The following ZNF563 variants were observed in gnomAD, a reference collection of about 807,000 sequenced individuals.
ZNF563 encodes zinc finger protein 563.
In ZNF563, 39 loss-of-function variants were observed where a neutral mutation model predicts 48.5. The ratio of observed to expected loss-of-function variants is 0.80; its 90% CI spans 0.62 to 1.05. The LOEUF is 1.05. Among genes scored for constraint, ZNF563 ranks in the 50% least tolerant of loss-of-function variants. The probability of loss-of-function intolerance (pLI) is 0.00; values close to 1 mark genes in which losing one functional copy is unlikely to be tolerated. For missense variants in ZNF563, 538 were observed against 597.0 expected, an observed-to-expected ratio of 0.90 and a Z score of 1.03; for synonymous variants, 168 against 187.9, an observed-to-expected ratio of 0.89 and a Z score of 0.87.
At chr19:12,322,771 C>T in intron 1 of ZNF563, 60 bp from the exon 2 acceptor site, 6 of 1,488,230 alleles carry the variant, frequency 4.0e-6, no homozygotes, top group Non-Finnish European at 5.4e-6. Context: ...AAAAACTATA[C>T]TCAGTTCATA....
intron 1 of ZNF563, among the ~76,000 whole-genome samples, chr19:12,322,982 A>G (rs752722430): frequency 3.8e-4 from 58 of 152,126 alleles, no homozygotes; most frequent in Non-Finnish European, 7.9e-4. Flanking sequence ...CCTAATGTCT[A>G]TTTCTGTAGT....
chr19:12,324,342 C>G (rs1336193707), intron 1 of ZNF563, among the ~76,000 whole-genome samples: 6 of 150,948 alleles, frequency 4.0e-5, no homozygotes, highest in African/African-American at 1.5e-4. Flanking sequence ...ATGGGTGATA[C>G]AGTGAGACTC....
upstream of ZNF563, among the ~76,000 whole-genome samples, chr19:12,336,054 A>G (rs1969017612): frequency 6.6e-6 from 1 of 152,216 alleles, no homozygotes; most frequent in African/African-American, 2.4e-5. Context: ...AATTGAAACA[A>G]AGACCCTCAA....
Position 12,332,355 on chromosome 19 carries a change from T to C in ZNF563, c.3+1125A>G, listed in dbSNP as rs913668532. 3.9e-3 allele frequency among the ~76,000 whole-genome samples: 570 copies of C among 145,740 alleles called. 3 individuals are homozygous for C. Among genetic ancestry groups the C allele is most frequent in the African/African-American group, 0.015 (545 of 37,446 alleles). On this transcript the variant is annotated intron_variant, in intron 1 of 3. Transcript: ENST00000293725. ...TGTTTTTTTTCTTTTTTCTTTTTTT[T>C]TTTTTTTTTGAGACGGAGTCTCTCT...
In ZNF563 at chr19:12,321,263, G is replaced by A. The variant is rs1426996633; in HGVS notation, c.191+9C>T. ...AGAAACATAACTTTCTCCTGTGAGT[G>A]CAAATTACCTTAGATTTCTCCTAGG... On this transcript the variant is annotated intron_variant, in intron 3 of 3. Coordinates refer to ENST00000293725, the MANE Select transcript of ZNF563 (RefSeq NM_145276.3). 1 of 1,559,912 alleles carries A rather than the reference G, an allele frequency of 6.4e-7. No homozygotes were observed. Among genetic ancestry groups the A allele is most frequent in the Non-Finnish European group, 8.7e-7 (1 of 1,150,982 alleles).
At chr19:12,320,465 A>T (rs1968585417) in intron 3 of ZNF563, among the ~76,000 whole-genome samples, 1 of 151,910 alleles carries the variant, frequency 6.6e-6, no homozygotes, top group South Asian at 2.1e-4. Context: ...CTTCAGCCTC[A>T]TGAGTAGCTG....
At chr19:12,339,129 T>G in the ZNF563 span, among the ~76,000 whole-genome samples, 1 of 152,116 alleles carries the variant, frequency 6.6e-6, no homozygotes, top group Non-Finnish European at 1.5e-5. Context: ...ATGTTTACAG[T>G]GTGCTTTCCA....
At chr19:12,344,638 C>A in the ZNF563 span, among the ~76,000 whole-genome samples, 2 of 152,064 alleles carry the variant, frequency 1.3e-5, no homozygotes, top group Non-Finnish European at 2.9e-5. Flanking sequence ...AGACTGAAAG[C>A]CTTCCCTCTA....
intron 2 of ZNF563, among the ~76,000 whole-genome samples, chr19:12,321,964 T>C (rs1051237987): frequency 6.6e-6 from 1 of 152,228 alleles, no homozygotes; most frequent in Non-Finnish European, 1.5e-5. Context: ...ATTTTCTTTC[T>C]CTAGTTCACT....
At chr19:12,337,858 C>T (rs531145079), upstream of ZNF563, among the ~76,000 whole-genome samples, 2 of 152,130 alleles carry the variant, frequency 1.3e-5, no homozygotes, top group African/African-American at 2.4e-5. Flanking sequence ...CTGTTAACTC[C>T]GCCCTTTGAG....
the ZNF563 span, chr19:12,346,310 A>C: frequency 6.6e-6 from 1 of 152,232 alleles, no homozygotes; most frequent in Non-Finnish European, 1.5e-5. Flanking sequence ...GGTTCAAAAA[A>C]TATATAAACA....
upstream of ZNF563, among the ~76,000 whole-genome samples, chr19:12,334,156 T>C (rs1968988645): frequency 6.6e-6 from 1 of 152,112 alleles, no homozygotes; most frequent in Non-Finnish European, 1.5e-5. Context: ...CTCTCTCACC[T>C]TGCCTCTCAA....
the ZNF563 span, among the ~76,000 whole-genome samples, chr19:12,340,261 G>A: frequency 1.3e-5 from 2 of 152,210 alleles, no homozygotes; most frequent in Non-Finnish European, 1.5e-5. Flanking sequence ...TTGAACCCAT[G>A]AGGCGGAGGT....
chr19:12,333,178 C>T (rs753192383), intron 1 of ZNF563, among the ~76,000 whole-genome samples: 12 of 152,214 alleles, frequency 7.9e-5, no homozygotes, highest in Admixed American at 2.0e-4. Context: ...CTCCATGACC[C>T]TTCCGTGACC....
rs942481068 is a variant in ZNF563 at position 12,320,317 on chromosome 19, G to GT, written c.192-485dup. Among the ~76,000 whole-genome samples, 615 of 143,910 alleles carry GT rather than the reference G, an allele frequency of 4.3e-3. 2 individuals carry two copies. The highest frequency in any genetic ancestry group is 0.012 in the African/African-American group (472 of 39,432). 94.4% of individuals were successfully genotyped at this position (143,910 alleles called of 152,430 possible). A position where few individuals can be genotyped will look rare whatever the true frequency, so the allele number is the denominator to read the frequency against. ...TGCAAGACAACCCAACACCAGCTGGGTTTTTTTTTTTTCCTTTTCTTTTTA... is the reference window on the plus strand; with the variant it reads ...TGCAAGACAACCCAACACCAGCTGGGTTTTTTTTTTTTTCCTTTTCTTTTTA... On this transcript the variant is annotated intron_variant, in intron 3 of 3. Coordinates refer to ENST00000293725, the MANE Select transcript of ZNF563 (RefSeq NM_145276.3).
chr19:12,324,002 G>A (rs1197399618), intron 1 of ZNF563, among the ~76,000 whole-genome samples: 4 of 152,208 alleles, frequency 2.6e-5, no homozygotes, highest in Admixed American at 6.5e-5. Context: ...AGAACTCAAT[G>A]TTATCTCTTA....
intron 1 of ZNF563, among the ~76,000 whole-genome samples, chr19:12,324,262 G>A (rs984918708): frequency 6.6e-6 from 1 of 152,230 alleles, no homozygotes; most frequent in Middle Eastern, 3.4e-3. Context: ...GGGAAGCTGA[G>A]GTGGGAGGAT....
the ZNF563 span, among the ~76,000 whole-genome samples, chr19:12,338,747 G>A: frequency 6.6e-6 from 1 of 152,116 alleles, no homozygotes; most frequent in Non-Finnish European, 1.5e-5. Context: ...AGCTATTCGG[G>A]AGGCTGAGGC....
upstream of ZNF563, among the ~76,000 whole-genome samples, chr19:12,338,410 G>C (rs1281230124): frequency 6.6e-6 from 1 of 152,136 alleles, no homozygotes; most frequent in African/African-American, 2.4e-5. Context: ...ACCACACCCA[G>C]TTAATTTTTT....
Sources: allele counts gnomAD v4.1 joint callset (sites outside exome capture counted in the v4.1 genomes callset), GRCh38; gene constraint gnomAD v4.1.1; transcripts MANE v1.5; gene names NCBI Gene and HGNC (gene_info 2026-07-23, HGNC 2026-07-21).